The following SLC22A15 variants were observed in gnomAD, a reference collection of about 807,000 sequenced individuals.
SLC22A15 encodes the protein solute carrier family 22 member 15, also known as flipt 1.
SLC22A15 carries 45 observed loss-of-function variants against 62.7 expected under a neutral mutation model. That is an observed-to-expected ratio of 0.72 (90% CI 0.56 to 0.92). The LOEUF is 0.92. Among genes scored for constraint, SLC22A15 ranks in the 40% least tolerant of loss-of-function variants. The probability of loss-of-function intolerance (pLI) is 0.00; values close to 1 mark genes in which losing one functional copy is unlikely to be tolerated. For synonymous variants in SLC22A15, 264 were observed against 267.0 expected, an observed-to-expected ratio of 0.99 and a Z score of 0.11; for missense variants, 622 against 665.6, an observed-to-expected ratio of 0.93 and a Z score of 0.72.
chr1:116,004,137 C>G (rs1655863874), intron 2 of SLC22A15, among the ~76,000 whole-genome samples: 2 of 152,194 alleles, frequency 1.3e-5, no homozygotes, highest in African/African-American at 4.8e-5. Flanking sequence ...TTTAGTTGGT[C>G]AGAGAGACAG....
chr1:116,059,655 T>C (rs1176481634), intron 8 of SLC22A15, among the ~76,000 whole-genome samples: 1 of 152,200 alleles, frequency 6.6e-6, no homozygotes, highest in Non-Finnish European at 1.5e-5. Flanking sequence ...TGCATTGTGA[T>C]TCTTACCCCA....
intron 2 of SLC22A15, among the ~76,000 whole-genome samples, chr1:116,017,261 C>T (rs1656582640): frequency 1.3e-5 from 2 of 149,304 alleles, no homozygotes; most frequent in African/African-American, 5.0e-5. Flanking sequence ...GTCCCAGCTA[C>T]TTGGGAGGCT....
At chr1:116,039,690 G>C (rs1427048582) in intron 8 of SLC22A15, among the ~76,000 whole-genome samples, 1 of 151,966 alleles carries the variant, frequency 6.6e-6, no homozygotes, top group East Asian at 1.9e-4. Flanking sequence ...TTCATCACTA[G>C]AGAGAGAATA....
chr1:115,985,204 T>C (rs375196938), intron 1 of SLC22A15, among the ~76,000 whole-genome samples: 1 of 152,194 alleles, frequency 6.6e-6, no homozygotes, highest in Non-Finnish European at 1.5e-5. Context: ...AATCTTTTAT[T>C]GTATATTTTC....
chr1:116,035,370 C>T lies in SLC22A15; in HGVS notation c.1085+43C>T, dbSNP rs376435393. On this transcript the variant is annotated intron_variant, in intron 7 of 11. Coordinates refer to ENST00000369503, the MANE Select transcript of SLC22A15 (RefSeq NM_018420.3). ...AATATGAAGTGCACCGTAGAGAATG[C>T]ACACATACACATATGCCCTCTGATA... 683 of 1,548,706 alleles carry T rather than the reference C, an allele frequency of 4.4e-4. 4 individuals carry two copies. Among genetic ancestry groups the T allele is most frequent in the Non-Finnish European group, 5.3e-5 (60 of 1,135,192 alleles).
At position 116,066,556 on chromosome 1, in the gene SLC22A15, G is replaced by A. The variant is rs764562948; in HGVS notation, c.1402G>A (p.Gly468Arg). The change falls in exon 11 of 12, where the codon GGA (glycine) becomes AGA (arginine). Residue 468 changes from glycine (G) to arginine (R), a missense_variant. Gly to Arg is a moderately radical substitution (Grantham distance 125, BLOSUM62 -2). Transcript: ENST00000369503. ...ATGGTCTTTACCATTCATTGTCTTC[G>A]GAGCCACGGGTCTGACCTCCGGCCT... ...VQWSLPFIVF[G>R]ATGLTSGLLS... The A allele has an allele frequency of 8.7e-6, 14 of 1,606,576 alleles. No homozygotes were observed. The highest frequency in any genetic ancestry group is 1.7e-5 in the Admixed American group (1 of 59,064).
At chr1:116,020,104 T>C (rs938098819) in intron 3 of SLC22A15, among the ~76,000 whole-genome samples, 21 of 152,208 alleles carry the variant, frequency 1.4e-4, no homozygotes, top group African/African-American at 5.1e-4. Context: ...GGCATAGTGC[T>C]CTTGACAAGC....
At chr1:116,054,538 G>C (rs1263147173) in intron 8 of SLC22A15, among the ~76,000 whole-genome samples, 1 of 152,146 alleles carries the variant, frequency 6.6e-6, no homozygotes, top group Non-Finnish European at 1.5e-5. Flanking sequence ...ATTGAACTCA[G>C]CTCTGCACCA....
chr1:115,992,428 C>T (rs72689460), intron 2 of SLC22A15, among the ~76,000 whole-genome samples, 185 bp downstream of exon 2: 3 of 152,270 alleles, frequency 2.0e-5, no homozygotes, highest in Non-Finnish European at 4.4e-5. Context: ...TTTCCTCTTA[C>T]TACACGTGGG....
rs143160490 is a variant in SLC22A15 at position 116,010,343 on chromosome 1, C to T, written c.301-9239C>T. On this transcript the variant is annotated intron_variant, in intron 2 of 11. Transcript: ENST00000369503. Reference sequence around the variant, plus strand: ...TTAATATATTTTCCCCAAGCCATACCCTGGGGTCAAAAGACAGAGTATTAA... The same window carrying T: ...TTAATATATTTTCCCCAAGCCATACTCTGGGGTCAAAAGACAGAGTATTAA... 3.4e-3 allele frequency among the ~76,000 whole-genome samples: 523 copies of T among 151,748 alleles called. 1 individual carries two copies. Among genetic ancestry groups the T allele is most frequent in the Non-Finnish European group, 6.2e-3 (423 of 68,022 alleles).
In SLC22A15 at chr1:115,993,428, A is replaced by AGAGTGT. The variant is rs1406043731; in HGVS notation, c.300+1186_300+1187insAGTGTG. Among the ~76,000 whole-genome samples the AGAGTGT allele has an allele frequency of 4.1e-3, 587 of 143,546 alleles. 2 individuals are homozygous for AGAGTGT. Among genetic ancestry groups the AGAGTGT allele is most frequent in the Admixed American group, 7.2e-3 (103 of 14,348 alleles). The allele number at this position is 143,546 out of a possible 152,430, so 94.2% of individuals were successfully genotyped here. ...TCTCCTGTGTGTGTGAGTGTGTGAGAGTGTGTGTGTGTGTGTGTGTGTGTG... is the reference window on the plus strand; with the variant it reads ...TCTCCTGTGTGTGTGAGTGTGTGAGAGAGTGTGTGTGTGTGTGTGTGTGTGTGTGTG... On this transcript the variant is annotated intron_variant, in intron 2 of 11. Transcript: ENST00000369503.
chr1:115,984,999 C>T (rs1450839220), intron 1 of SLC22A15, among the ~76,000 whole-genome samples: 4 of 152,090 alleles, frequency 2.6e-5, no homozygotes, highest in African/African-American at 9.7e-5. Flanking sequence ...AGAAAAGCTA[C>T]AGTAAGTTTA....
At position 116,068,287 on chromosome 1, in the gene SLC22A15, A is replaced by G. The variant is rs1233569738; in HGVS notation, c.*1179A>G. On this transcript the variant is annotated 3_prime_UTR_variant, in exon 12 of 12. Transcript: ENST00000369503. The stretch of plus-strand genomic sequence containing the variant: ...CAAATAGGAATATAAACCTGGAGTC[A>G]ACAAGCTTAGGCAGCATTGATTTAG... 6.6e-6 allele frequency: 1 copy of G among 152,670 alleles called. No individual in the cohort carries two copies. The highest frequency in any genetic ancestry group is 1.5e-5 in the Non-Finnish European group (1 of 68,040). 9.5% of individuals were successfully genotyped at this position (152,670 alleles called of 1,614,324 possible). A position where few individuals can be genotyped will look rare whatever the true frequency, so the allele number is the denominator to read the frequency against.
chr1:116,002,478 G>C (rs2101147849), intron 2 of SLC22A15, among the ~76,000 whole-genome samples: 2 of 152,240 alleles, frequency 1.3e-5, no homozygotes, highest in East Asian at 3.9e-4. Context: ...ATGCCATCCA[G>C]GCAGTAGGGC....
chr1:116,063,020 G>C (rs17035236), intron 9 of SLC22A15, 138 bp downstream of exon 9: 40,434 of 1,118,542 alleles, frequency 0.036, 898 homozygotes, highest in African/African-American at 0.09. Flanking sequence ...GCAGTTTAGG[G>C]TGAGAGCTTG....
chr1:115,981,934 T>C (rs1654630254), intron 1 of SLC22A15, among the ~76,000 whole-genome samples: 1 of 152,258 alleles, frequency 6.6e-6, no homozygotes, highest in Non-Finnish European at 1.5e-5. Context: ...TGCTGCAAGA[T>C]GGCATTATTA....
chr1:116,068,564 G>C lies in SLC22A15; in HGVS notation c.*1456G>C, dbSNP rs569006569. 1 of 152,224 alleles carries C rather than the reference G, an allele frequency of 6.6e-6. No homozygotes were observed. Among genetic ancestry groups the C allele is most frequent in the African/African-American group, 2.4e-5 (1 of 41,560 alleles). The allele number at this position is 152,224 out of a possible 1,614,324, so 9.4% of individuals were successfully genotyped here. A position where few individuals can be genotyped will look rare whatever the true frequency, so the allele number is the denominator to read the frequency against. On this transcript the variant is annotated 3_prime_UTR_variant, in exon 12 of 12. Transcript: ENST00000369503. ...ATGTCTTTTATGCCCTTGATTATTAGTTGGGCTCTTCATAAACAGAGGCCA... is the reference window on the plus strand; with the variant it reads ...ATGTCTTTTATGCCCTTGATTATTACTTGGGCTCTTCATAAACAGAGGCCA...
At chr1:115,999,984 C>G (rs574676347) in intron 2 of SLC22A15, among the ~76,000 whole-genome samples, 19 of 151,988 alleles carry the variant, frequency 1.3e-4, no homozygotes, top group Non-Finnish European at 2.2e-4. Flanking sequence ...TATTTTCAGT[C>G]TATGTGTATC....
chr1:116,032,193 C>A (rs1322713702), intron 6 of SLC22A15: 1 of 985,276 alleles, frequency 1.0e-6, no homozygotes, highest in Non-Finnish European at 1.2e-6. Context: ...TTAGCTTATT[C>A]CCACCTACCT....
Sources: allele counts gnomAD v4.1 joint callset (sites outside exome capture counted in the v4.1 genomes callset), GRCh38; gene constraint gnomAD v4.1.1; transcripts MANE v1.5; gene names NCBI Gene and HGNC (gene_info 2026-07-23, HGNC 2026-07-21).